NRXN1: variants seen among roughly 807,000 people sequenced by gnomAD.
NRXN1 encodes the protein neurexin-1.
In NRXN1, 39 loss-of-function variants were observed where a neutral mutation model predicts 150.9. The observed-to-expected ratio is 0.26, with a 90% CI of 0.20 to 0.34. The LOEUF is 0.34. NRXN1 is among the 10% of genes least tolerant of loss of function. The probability of loss-of-function intolerance (pLI) is 1.00; values close to 1 mark genes in which losing one functional copy is unlikely to be tolerated. For missense variants in NRXN1, 1,815 were observed against 1,949.9 expected (o/e 0.93, Z 1.30); for synonymous variants, 924 against 757.0 (o/e 1.22, Z -3.62).
intron 2 of NRXN1, chr2:50,979,339 A>T: frequency 2.0e-6 from 1 of 497,792 alleles, no homozygotes; most frequent in Admixed American, 2.2e-5. Context: ...CCCTATTCTC[A>T]GCACAGTATC....
intron 17 of NRXN1, among the ~76,000 whole-genome samples, chr2:50,439,597 G>A (rs929837471): frequency 6.6e-6 from 1 of 152,042 alleles, no homozygotes; most frequent in Non-Finnish European, 1.5e-5. Flanking sequence ...ACGAGGTCAG[G>A]AGATTGAGAC....
chr2:50,079,411 T>C (rs1021613319), intron 19 of NRXN1, among the ~76,000 whole-genome samples: 1 of 152,074 alleles, frequency 6.6e-6, no homozygotes, highest in Non-Finnish European at 1.5e-5. Flanking sequence ...AATGGCAGAA[T>C]TGAGTAATTG....
intron 5 of NRXN1, among the ~76,000 whole-genome samples, chr2:50,852,518 A>G (rs1674669666): frequency 6.6e-6 from 1 of 152,144 alleles, no homozygotes; most frequent in Non-Finnish European, 1.5e-5. Context: ...GATTGTCAAA[A>G]AGAGTCAGGT....
In NRXN1 at chr2:50,828,271, G is replaced by A. The variant is rs866756336; in HGVS notation, c.832+93598C>T. Among the ~76,000 whole-genome samples, 1,011 of 145,900 alleles carry A rather than the reference G, an allele frequency of 6.9e-3. 9 individuals are homozygous for A. Among genetic ancestry groups the A allele is most frequent in the South Asian group, 0.016 (71 of 4,558 alleles). On this transcript the variant is annotated intron_variant, in intron 5 of 22. Transcript: ENST00000401669. ...GACGGGGCGGCTGGCCGGGCGGGGG[G>A]CTGACCCCCCCCACCTCCCTCCCGG...
intron 12 of NRXN1, among the ~76,000 whole-genome samples, chr2:50,512,315 T>G (rs2092480821): frequency 6.6e-6 from 1 of 152,208 alleles, no homozygotes; most frequent in Non-Finnish European, 1.5e-5. Context: ...TACACTCAAG[T>G]GAAGCCAGAG....
chr2:50,426,206 C>G (rs2084473502), intron 17 of NRXN1, among the ~76,000 whole-genome samples: 1 of 152,160 alleles, frequency 6.6e-6, no homozygotes, highest in South Asian at 2.1e-4. Context: ...AAGACCAACT[C>G]TAGGATAAAG....
chr2:49,948,442 G>A (rs1369781027), intron 21 of NRXN1, among the ~76,000 whole-genome samples: 1 of 151,920 alleles, frequency 6.6e-6, no homozygotes, highest in African/African-American at 2.4e-5. Flanking sequence ...ACTTTTTAAT[G>A]TAATTTCCCT....
intron 18 of NRXN1, among the ~76,000 whole-genome samples, chr2:50,106,406 C>T (rs1425301926): frequency 2.6e-5 from 4 of 151,978 alleles, no homozygotes; most frequent in Non-Finnish European, 5.9e-5. Context: ...TCTCCTTAAT[C>T]AAAGAATATG....
chr2:50,227,824 T>C lies in NRXN1; in HGVS notation c.3546+8965A>G, dbSNP rs532332708. Among the ~76,000 whole-genome samples the C allele has an allele frequency of 1.4e-4, 21 of 152,180 alleles. 1 individual carries two copies. The South Asian group carries it at 4.3e-3, about 32-fold the overall frequency. Reference sequence around the variant, plus strand: ...AATTGCTGTTCAGTAGGCAAGCCAGTAGCCATATGTTGAGCATTTGAGATA... The same window carrying C: ...AATTGCTGTTCAGTAGGCAAGCCAGCAGCCATATGTTGAGCATTTGAGATA... On this transcript the variant is annotated intron_variant, in intron 18 of 22. Transcript: ENST00000401669.
intron 5 of NRXN1, among the ~76,000 whole-genome samples, chr2:50,854,932 C>T (rs189512087): frequency 3.9e-5 from 6 of 152,026 alleles, no homozygotes; most frequent in East Asian, 1.9e-4. Context: ...GCAACAGAAA[C>T]GGATTTAAAA....
At chr2:50,017,206 T>C (rs921414632) in intron 21 of NRXN1, among the ~76,000 whole-genome samples, 6 of 152,180 alleles carry the variant, frequency 3.9e-5, no homozygotes, top group African/African-American at 2.4e-5. Context: ...AGATGTGATA[T>C]GAATGGGAAG....
chr2:50,523,548 T>C (rs1179339857), intron 12 of NRXN1, among the ~76,000 whole-genome samples: 4 of 152,226 alleles, frequency 2.6e-5, no homozygotes, highest in Admixed American at 6.5e-5. Flanking sequence ...CAATCTAATA[T>C]GGCTTAAGTG....
chr2:50,447,238 C>T (rs1179823299), intron 17 of NRXN1, among the ~76,000 whole-genome samples: 1 of 151,766 alleles, frequency 6.6e-6, no homozygotes, highest in African/African-American at 2.4e-5. Flanking sequence ...CTTTGGGAGG[C>T]CAAGGTGGGC....
chr2:50,373,663 AAAG>A (rs1282689872), intron 17 of NRXN1, among the ~76,000 whole-genome samples: 87 of 104,012 alleles, frequency 8.4e-4, no homozygotes, highest in African/African-American at 2.0e-3. Context: ...AGAAAGAAAG[AAAG>A]AAAGAAAGAA....
At chr2:50,009,881 T>C (rs1685375453) in intron 21 of NRXN1, among the ~76,000 whole-genome samples, 1 of 152,166 alleles carries the variant, frequency 6.6e-6, no homozygotes, top group African/African-American at 2.4e-5. Context: ...TCTAGAATTA[T>C]GGCTGAAATT....
chr2:50,529,955 T>G (rs768849415), intron 11 of NRXN1, among the ~76,000 whole-genome samples: 18 of 152,200 alleles, frequency 1.2e-4, no homozygotes, highest in Non-Finnish European at 2.4e-4. Flanking sequence ...ATTTTATATT[T>G]TATGAGTTAT....
At chr2:50,511,420 AG>A (rs1330975388) in intron 12 of NRXN1, among the ~76,000 whole-genome samples, 1 of 152,176 alleles carries the variant, frequency 6.6e-6, no homozygotes, top group Non-Finnish European at 1.5e-5. Context: ...GAATTTCTCA[AG>A]GCACACCAAA....
intron 9 of NRXN1, among the ~76,000 whole-genome samples, chr2:50,542,880 C>A (rs890172936): frequency 6.6e-6 from 1 of 152,086 alleles, no homozygotes; most frequent in African/African-American, 2.4e-5. Context: ...TTAGTTTAAA[C>A]CAATTTAACT....
intron 21 of NRXN1, among the ~76,000 whole-genome samples, chr2:50,000,620 A>T (rs1249018569): frequency 6.6e-6 from 1 of 152,208 alleles, no homozygotes; most frequent in Non-Finnish European, 1.5e-5. Flanking sequence ...CTCTGCATCA[A>T]CATATTCCTA....
Sources: gnomAD v4.1 joint callset for allele counts (sites outside exome capture counted in the v4.1 genomes callset) on GRCh38, gnomAD v4.1.1 for gene constraint, MANE v1.5 for transcripts, NCBI Gene and HGNC (gene_info 2026-07-23, HGNC 2026-07-21) for gene names.